CLYBL: variants seen among roughly 807,000 people sequenced by gnomAD.
CLYBL encodes citramalyl-CoA lyase, mitochondrial.
Under a neutral mutation model 38.9 loss-of-function variants are expected in CLYBL, and 31 were observed. The observed-to-expected ratio is 0.80, with a 90% CI of 0.60 to 1.08. The LOEUF is 1.08. CLYBL is among the 50% of genes least tolerant of loss of function. The probability of loss-of-function intolerance (pLI) is 0.00; values close to 1 mark genes in which losing one functional copy is unlikely to be tolerated. For missense variants in CLYBL, 434 were observed against 411.6 expected, an observed-to-expected ratio of 1.05 and a Z score of -0.47; for synonymous variants, 171 against 158.6, an observed-to-expected ratio of 1.08 and a Z score of -0.59.
chr13:99,709,034 A>G (rs2048187673), intron 1 of CLYBL, among the ~76,000 whole-genome samples: 1 of 152,144 alleles, frequency 6.6e-6, no homozygotes, highest in Non-Finnish European at 1.5e-5. Context: ...CGGAGGTTCC[A>G]GTGAACCGAG....
In CLYBL at chr13:99,606,702, C is replaced by T. The variant is rs780624483; in HGVS notation, c.7C>T (p.Leu3=). 6 of 1,492,340 alleles carry T rather than the reference C, an allele frequency of 4.0e-6. No individual in the cohort carries two copies. Among genetic ancestry groups the T allele is most frequent in the South Asian group, 1.3e-5 (1 of 78,712 alleles). 92.4% of individuals were successfully genotyped at this position (1,492,340 alleles called of 1,614,324 possible). Residue 3 remains leucine (L), a synonymous_variant, in exon 1 of 9, where the codon CTA becomes TTA. Coordinates refer to ENST00000339105, the MANE Select transcript of CLYBL (RefSeq NM_206808.5). The part of the protein sequence containing the change: MA[L]RLLRRAARGA... The stretch of plus-strand genomic sequence containing the variant: ...GGGCGCGCGCGTCGGGAAGATGGCG[C>T]TACGTCTGCTGCGGAGGGCGGCGCG...
intron 2 of CLYBL, among the ~76,000 whole-genome samples, chr13:99,821,169 C>A (rs982121135): frequency 6.6e-6 from 1 of 152,160 alleles, no homozygotes; most frequent in Admixed American, 6.5e-5. Context: ...ACACAGTAAT[C>A]TTGGTCCTAT....
chr13:99,764,047 A>C (rs2049218858), intron 1 of CLYBL, among the ~76,000 whole-genome samples: 1 of 151,948 alleles, frequency 6.6e-6, no homozygotes, highest in African/African-American at 2.4e-5. Flanking sequence ...CTTCAAAAAA[A>C]AAAATTTTTT....
At chr13:99,783,002 TC>T (rs1357235754) in intron 2 of CLYBL, among the ~76,000 whole-genome samples, 2 of 152,158 alleles carry the variant, frequency 1.3e-5, no homozygotes, top group African/African-American at 4.8e-5. Context: ...TTGTGTCTAA[TC>T]CGTTTAACCC....
At chr13:99,880,749 C>G (rs960852878) in intron 7 of CLYBL, among the ~76,000 whole-genome samples, 1 of 152,258 alleles carries the variant, frequency 6.6e-6, no homozygotes, top group Non-Finnish European at 1.5e-5. Flanking sequence ...GCAGGTGGAG[C>G]TGCCCCAGGA....
At chr13:99,611,681 C>G (rs967931027) in intron 1 of CLYBL, among the ~76,000 whole-genome samples, 1 of 152,320 alleles carries the variant, frequency 6.6e-6, no homozygotes, top group East Asian at 1.9e-4. Flanking sequence ...TTTCATGAAA[C>G]AATTTGTGTA....
intron 1 of CLYBL, among the ~76,000 whole-genome samples, chr13:99,731,082 C>CAAAAA (rs764705741): frequency 3.2e-4 from 18 of 57,014 alleles, no homozygotes; most frequent in African/African-American, 1.2e-3. Flanking sequence ...GACTCTGTTT[C>CAAAAA]AAAAAAAAAA....
At chr13:99,762,290 A>G (rs767003791) in intron 1 of CLYBL, among the ~76,000 whole-genome samples, 7 of 152,030 alleles carry the variant, frequency 4.6e-5, no homozygotes, top group South Asian at 2.1e-4. Flanking sequence ...TAGTAGTTTC[A>G]AAGTTTCAGG....
intron 1 of CLYBL, among the ~76,000 whole-genome samples, chr13:99,620,313 A>G (rs1452840637): frequency 6.6e-6 from 1 of 152,070 alleles, no homozygotes; most frequent in Non-Finnish European, 1.5e-5. Flanking sequence ...TTCCCTGCTC[A>G]CTTGGAACCC....
At chr13:99,782,374 G>C (rs1004936033) in intron 2 of CLYBL, among the ~76,000 whole-genome samples, 1 of 152,090 alleles carries the variant, frequency 6.6e-6, no homozygotes, top group Non-Finnish European at 1.5e-5. Flanking sequence ...GGGCGTGGTG[G>C]TGCGCACCTG....
intron 2 of CLYBL, among the ~76,000 whole-genome samples, chr13:99,791,924 C>T (rs1418424720): frequency 2.0e-5 from 3 of 151,382 alleles, no homozygotes; most frequent in Non-Finnish European, 4.4e-5. Context: ...TGGAGTTTGC[C>T]AATTTTGCTA....
At position 99,694,611 on chromosome 13, in the gene CLYBL, G is replaced by T. The variant is rs143575742; in HGVS notation, c.63-78213G>T. ...TGTTGTATCATGTGGGGTGCTCCTT[G>T]TCTCCTTGTCCAGATTGCTGGCCCG... On this transcript the variant is annotated intron_variant, in intron 1 of 8. Transcript: ENST00000339105. Among the ~76,000 whole-genome samples, 373 of 152,246 alleles carry T rather than the reference G, an allele frequency of 2.4e-3. 3 individuals are homozygous for T. Among genetic ancestry groups the T allele is most frequent in the African/African-American group, 8.4e-3 (350 of 41,526 alleles).
chr13:99,638,068 A>T (rs2047047370), intron 1 of CLYBL, among the ~76,000 whole-genome samples: 1 of 146,552 alleles, frequency 6.8e-6, no homozygotes, highest in African/African-American at 2.5e-5. Context: ...GACTCCAGTG[A>T]GTCTCCTACC....
chr13:99,760,385 G>A (rs2049142779), intron 1 of CLYBL, among the ~76,000 whole-genome samples: 1 of 152,080 alleles, frequency 6.6e-6, no homozygotes, highest in Non-Finnish European at 1.5e-5. Flanking sequence ...ATTTCTTCAT[G>A]TGGGTCCAAG....
intron 2 of CLYBL, among the ~76,000 whole-genome samples, chr13:99,855,935 T>C (rs1269426249): frequency 1.3e-5 from 2 of 152,230 alleles, no homozygotes; most frequent in Non-Finnish European, 2.9e-5. Context: ...TATGGCAACT[T>C]ACCTCAAAAG....
intron 1 of CLYBL, among the ~76,000 whole-genome samples, chr13:99,708,436 A>G (rs2139481775): frequency 6.6e-6 from 1 of 152,298 alleles, no homozygotes; most frequent in African/African-American, 2.4e-5. Context: ...AAGATACCTG[A>G]ATGAGTGGAA....
At chr13:99,795,515 A>AT (rs1417554375) in intron 2 of CLYBL, among the ~76,000 whole-genome samples, 1 of 152,076 alleles carries the variant, frequency 6.6e-6, no homozygotes, top group African/African-American at 2.4e-5. Context: ...TTACCCAGGC[A>AT]TGGTGGCATG....
chr13:99,825,046 G>A (rs1167434965), intron 2 of CLYBL, among the ~76,000 whole-genome samples: 1 of 152,204 alleles, frequency 6.6e-6, no homozygotes, highest in Admixed American at 6.5e-5. Context: ...CTGGCCGTCT[G>A]TGGGTATGCC....
chr13:99,805,424 T>G (rs1566334338), intron 2 of CLYBL, among the ~76,000 whole-genome samples: 2 of 151,678 alleles, frequency 1.3e-5, no homozygotes, highest in Non-Finnish European at 2.9e-5. Context: ...AAAGCGTGAG[T>G]GTCCAGAGCC....
Sources: allele counts gnomAD v4.1 joint callset (sites outside exome capture counted in the v4.1 genomes callset), GRCh38; gene constraint gnomAD v4.1.1; transcripts MANE v1.5; gene names NCBI Gene and HGNC (gene_info 2026-07-23, HGNC 2026-07-21).